The following CDH8 variants were observed in gnomAD, a reference collection of about 807,000 sequenced individuals.
CDH8 encodes cadherin 8, also known as cadherin-8.
CDH8 carries 17 observed loss-of-function variants against 68.1 expected under a neutral mutation model. The observed-to-expected ratio is 0.25, with a 90% CI of 0.17 to 0.37. The LOEUF (loss-of-function observed/expected upper bound fraction) is 0.37. Ranked by LOEUF, CDH8 falls within the 10% of genes least tolerant of loss-of-function variation. The pLI is 1.00. For synonymous variants in CDH8, 372 were observed against 365.1 expected (o/e 1.02, Z -0.21); for missense variants, 763 against 999.3 (o/e 0.76, Z 3.19).
At chr16:61,672,712 C>A (rs1963822454) in intron 10 of CDH8, among the ~76,000 whole-genome samples, 1 of 151,804 alleles carries the variant, frequency 6.6e-6, no homozygotes. Context: ...TATTTGGAAG[C>A]CTCATAGTTG....
At chr16:61,655,089 A>G (rs1377105041) in intron 11 of CDH8, among the ~76,000 whole-genome samples, 1 of 152,192 alleles carries the variant, frequency 6.6e-6, no homozygotes, top group Non-Finnish European at 1.5e-5. Flanking sequence ...CCAAACTACA[A>G]TGAAACACTA....
At chr16:61,855,538 A>G in intron 4 of CDH8, among the ~76,000 whole-genome samples, 1 of 152,140 alleles carries the variant, frequency 6.6e-6, no homozygotes. Context: ...CCTGGCACAC[A>G]GTGAATGTGT....
At chr16:61,903,352 C>A (rs1357194998) in intron 2 of CDH8, among the ~76,000 whole-genome samples, 1 of 152,176 alleles carries the variant, frequency 6.6e-6, no homozygotes, top group Non-Finnish European at 1.5e-5. Flanking sequence ...GAGACGGAGT[C>A]TCGCTCTGTC....
chr16:61,891,644 A>G (rs977791656), intron 3 of CDH8, among the ~76,000 whole-genome samples: 1 of 152,172 alleles, frequency 6.6e-6, no homozygotes, highest in African/African-American at 2.4e-5. Context: ...CTTTAAGCAG[A>G]AGAGAAACTA....
At chr16:61,746,904 T>C (rs941198361) in intron 8 of CDH8, among the ~76,000 whole-genome samples, 1 of 152,010 alleles carries the variant, frequency 6.6e-6, no homozygotes, top group Non-Finnish European at 1.5e-5. Context: ...TTGAGTTAAA[T>C]AAACAAATAC....
chr16:61,976,477 C>A, intron 2 of CDH8, among the ~76,000 whole-genome samples: 1 of 152,072 alleles, frequency 6.6e-6, no homozygotes, highest in Non-Finnish European at 1.5e-5. Context: ...GAATTCTAGA[C>A]CACCAGGAGG....
chr16:61,928,544 G>A (rs1964490565), intron 2 of CDH8, among the ~76,000 whole-genome samples: 1 of 152,058 alleles, frequency 6.6e-6, no homozygotes, highest in Admixed American at 6.6e-5. Flanking sequence ...CTGGAGACAA[G>A]GACTGCACCC....
In CDH8 at chr16:61,653,993, C is replaced by A; in HGVS notation, c.2015G>T (p.Gly672Val). Residue 672 changes from glycine (G) to valine (V), a missense_variant, in exon 12 of 12, where the codon GGA becomes GTA. This residue lies in a region of CDH8 where 397 missense variants were observed against 436.2 expected (regional missense o/e 0.91). Coordinates refer to ENST00000577390, the MANE Select transcript of CDH8 (RefSeq NM_001796.5). ...AAAAGCCTCTGTGTCCTCCTCCCCT[C>A]CTCCTTCATCATCGTAGCGAATGAT... ...ENIIRYDDEGGGEEDTEAFDI... is the reference protein window; with the variant it reads ...ENIIRYDDEGVGEEDTEAFDI... 1 of 1,614,126 alleles carries A rather than the reference C, an allele frequency of 6.2e-7. No homozygotes were observed. Among genetic ancestry groups the A allele is most frequent in the Non-Finnish European group, 8.5e-7 (1 of 1,179,988 alleles).
At chr16:61,824,857 G>A (rs992801463) in intron 5 of CDH8, among the ~76,000 whole-genome samples, 155 bp downstream of exon 5, 1 of 151,836 alleles carries the variant, frequency 6.6e-6, no homozygotes, top group Non-Finnish European at 1.5e-5. Context: ...CTGTAAAATG[G>A]GAATAAGTTT....
chr16:61,977,963 G>A (rs1965468053), intron 2 of CDH8, among the ~76,000 whole-genome samples: 1 of 152,034 alleles, frequency 6.6e-6, no homozygotes, highest in Admixed American at 6.6e-5. Flanking sequence ...GGTTTGTGTT[G>A]CTTTCTTTCA....
At position 61,653,648 on chromosome 16, in the gene CDH8, C is replaced by T. The variant is rs771484434; in HGVS notation, c.2360G>A (p.Gly787Asp). The T allele has an allele frequency of 6.2e-7, 1 of 1,613,720 alleles. No homozygotes were observed. Among genetic ancestry groups the T allele is most frequent in the Non-Finnish European group, 8.5e-7 (1 of 1,179,888 alleles). The change falls in exon 12 of 12, where the codon GGC (glycine) becomes GAC (aspartate). Residue 787 changes from glycine to aspartate, a missense_variant. Physicochemically the swap from Gly to Asp is moderately conservative, Grantham distance 94 (BLOSUM62 -1). Around this residue, in one of 2 missense-constraint regions of CDH8, gnomAD observed 397 missense variants for 436.2 expected, o/e 0.91. Transcript: ENST00000577390. The part of the protein sequence containing the change: ...SDWGPRFKRL[G>D]ELYSVGESDK... ...ACTTTCACCAACAGAGTAGAGTTCG[C>T]CCAGTCTCTTAAAGCGGGGACCCCA...
In CDH8 at chr16:61,799,914, C is replaced by T. The variant is rs35056378; in HGVS notation, c.1278-10432G>A. Among the ~76,000 whole-genome samples the T allele has an allele frequency of 6.6e-5, 10 of 151,928 alleles. No individual in the cohort carries two copies. In the South Asian group the frequency reaches 8.3e-4, roughly 13 times the overall value. ...TGGTCTATTAACTCTTTTCCCCCCC[C>T]CAAAGACAAGGTCTCACGAGGTCTC... On this transcript the variant is annotated intron_variant, in intron 7 of 11. Transcript: ENST00000577390.
chr16:61,654,413 A>AAGAGTGGCAC (rs1441823704), intron 11 of CDH8, among the ~76,000 whole-genome samples: 1 of 152,166 alleles, frequency 6.6e-6, no homozygotes, highest in East Asian at 1.9e-4. Context: ...ACAAAATAGA[A>AAGAGTGGCAC]AATAGCACTG....
intron 4 of CDH8, among the ~76,000 whole-genome samples, chr16:61,828,118 C>T (rs1567489402): frequency 6.6e-6 from 1 of 151,852 alleles, no homozygotes; most frequent in Non-Finnish European, 1.5e-5. Context: ...AGTAAAGAAA[C>T]TGGCCAAAAC....
At chr16:61,703,259 A>T (rs572816114) in intron 10 of CDH8, among the ~76,000 whole-genome samples, 11 of 152,240 alleles carry the variant, frequency 7.2e-5, no homozygotes, top group African/African-American at 2.6e-4. Flanking sequence ...AAAACTTATA[A>T]TACTGTTAAT....
intron 2 of CDH8, among the ~76,000 whole-genome samples, chr16:61,964,632 G>C (rs1218312614): frequency 6.6e-6 from 1 of 151,982 alleles, no homozygotes; most frequent in African/African-American, 2.4e-5. Context: ...TCTTGAGTGG[G>C]TCTGTGGCCT....
chr16:61,826,973 G>T (rs1169202110), intron 4 of CDH8, among the ~76,000 whole-genome samples: 2 of 151,716 alleles, frequency 1.3e-5, no homozygotes, highest in Admixed American at 6.6e-5. Context: ...TAGCTTATAG[G>T]TCATACCTAT....
At chr16:61,776,779 A>G (rs1305031920) in intron 8 of CDH8, among the ~76,000 whole-genome samples, 1 of 152,128 alleles carries the variant, frequency 6.6e-6, no homozygotes, top group Non-Finnish European at 1.5e-5. Context: ...AAGTTAGGCA[A>G]GATTATAGCT....
chr16:61,949,200 A>T (rs1478438245), intron 2 of CDH8, among the ~76,000 whole-genome samples: 1 of 151,868 alleles, frequency 6.6e-6, no homozygotes, highest in African/African-American at 2.4e-5. Context: ...ACAACCCCTG[A>T]CTCTTTGGAG....
Sources: allele counts gnomAD v4.1 joint callset (sites outside exome capture counted in the v4.1 genomes callset), GRCh38; gene constraint gnomAD v4.1.1; regional missense constraint gnomAD v4.1.1; transcripts MANE v1.5; gene names NCBI Gene and HGNC (gene_info 2026-07-23, HGNC 2026-07-21).